The following SMG5 variants were observed in gnomAD, a reference collection of about 807,000 sequenced individuals.
The protein encoded by SMG5 is nonsense-mediated mRNA decay factor SMG5.
A neutral mutation model predicts 122.9 loss-of-function variants in SMG5; 53 were observed. The observed-to-expected ratio is 0.43, with a 90% CI of 0.35 to 0.54. SMG5 has a LOEUF of 0.54. SMG5 is among the 20% of genes least tolerant of loss of function. The pLI is 0.01. For synonymous variants in SMG5, 477 were observed against 490.2 expected (o/e 0.97, Z 0.35); for missense variants, 1,153 against 1,285.6 (o/e 0.90, Z 1.58).
In SMG5 at chr1:156,265,733, T is replaced by C. The variant is rs1030995774; in HGVS notation, c.1855+48A>G. On this transcript the variant is annotated intron_variant, in intron 12 of 21. Transcript: ENST00000361813. ...AAGCGGCCTCTCTGGTGAGTGTCTATGGCATGGAGGTGCGGACCAGAACAG... is the reference window on the plus strand; with the variant it reads ...AAGCGGCCTCTCTGGTGAGTGTCTACGGCATGGAGGTGCGGACCAGAACAG... The C allele has an allele frequency of 3.8e-6, 6 of 1,580,174 alleles. No homozygotes were observed. The African/African-American group carries it at 4.0e-5, about 11-fold the overall frequency.
chr1:156,256,933 T>C (rs569127187), intron 16 of SMG5, among the ~76,000 whole-genome samples: 2 of 140,118 alleles, frequency 1.4e-5, no homozygotes, highest in East Asian at 4.2e-4. Flanking sequence ...TTTCCTTTTT[T>C]TTTTTTTTTT....
At chr1:156,254,393 T>TG (rs1276257106) in intron 16 of SMG5, among the ~76,000 whole-genome samples, 1 of 152,228 alleles carries the variant, frequency 6.6e-6, no homozygotes, top group Non-Finnish European at 1.5e-5. Context: ...AGGCTAAGGA[T>TG]GGGGACTTTA....
At chr1:156,258,931 CT>C in intron 16 of SMG5, 73 bp downstream of exon 16, 1 of 1,579,546 alleles carries the variant, frequency 6.3e-7, no homozygotes, top group African/African-American at 1.3e-5. Flanking sequence ...ACCAGAGGGT[CT>C]GAGCCTCTTG....
chr1:156,252,697 C>G (rs184775695), intron 18 of SMG5, 193 bp from the exon 19 acceptor site: 304 of 749,704 alleles, frequency 4.1e-4, no homozygotes, highest in Admixed American at 1.4e-3. Flanking sequence ...TTACCAAGTG[C>G]TTTCTCATTA....
At position 156,268,190 on chromosome 1, in the gene SMG5, T is replaced by C. The variant is rs1662244252; in HGVS notation, c.840-7A>G. The C allele has an allele frequency of 2.5e-6, 4 of 1,614,032 alleles. No individual in the cohort carries two copies. The highest frequency in any genetic ancestry group is 2.7e-5 in the African/African-American group (2 of 74,910). On this transcript the variant is annotated splice_region_variant and splice_polypyrimidine_tract_variant and intron_variant, in intron 8 of 21. Transcript: ENST00000361813. ...CCTTTTAATGTCTTTACATCTGAAA[T>C]GAGAAGAGCCCAAAGTAAATGCTGA...
In SMG5 at chr1:156,276,934, G is replaced by A. The variant is rs535918963; in HGVS notation, c.454+151C>T. 5 of 736,852 alleles carry A rather than the reference G, an allele frequency of 6.8e-6. No homozygotes were observed. In the East Asian group the frequency reaches 1.4e-4, roughly 20 times the overall value. 45.6% of individuals were successfully genotyped at this position (736,852 alleles called of 1,614,324 possible). A position where few individuals can be genotyped will look rare whatever the true frequency, so the allele number is the denominator to read the frequency against. ...TTTACCCTAACTCATATGATTGTCT[G>A]GATAAATCCAAACTTCATAAACCAT... On this transcript the variant is annotated intron_variant, in intron 4 of 21. Coordinates refer to ENST00000361813, the MANE Select transcript of SMG5 (RefSeq NM_015327.3).
chr1:156,275,815 G>GTT (rs5777975), intron 4 of SMG5, among the ~76,000 whole-genome samples: 25 of 141,548 alleles, frequency 1.8e-4, no homozygotes, highest in Non-Finnish European at 2.2e-4. Flanking sequence ...TAATGTGGTG[G>GTT]TTTTTTTTTT....
intron 13 of SMG5, 60 bp from the exon 14 acceptor site, chr1:156,261,468 G>T: frequency 7.0e-7 from 1 of 1,435,856 alleles, no homozygotes; most frequent in Non-Finnish European, 9.8e-7. Flanking sequence ...GAACAGCAGT[G>T]AGCAAGGAAA....
Position 156,270,261 on chromosome 1 carries a change from G to A in SMG5, c.714-1846C>T, listed in dbSNP as rs1269287196. 4.6e-5 allele frequency among the ~76,000 whole-genome samples: 7 copies of A among 152,286 alleles called. No individual in the cohort carries two copies. In the East Asian group the frequency reaches 1.2e-3, roughly 25 times the overall value. ...TCTTGCAGGGGGCTGCGGGAGGAAG[G>A]GCTATGACCAATAGAATATTATAGA... On this transcript the variant is annotated intron_variant, in intron 7 of 21. Coordinates refer to ENST00000361813, the MANE Select transcript of SMG5 (RefSeq NM_015327.3).
chr1:156,266,457 C>T (rs1558239363), intron 11 of SMG5, 77 bp from the exon 12 acceptor site: 5 of 1,604,574 alleles, frequency 3.1e-6, no homozygotes, highest in Non-Finnish European at 2.6e-6. Flanking sequence ...TCCAACACCA[C>T]TTCCCCCGAG....
intron 6 of SMG5, 27 bp from the exon 7 acceptor site, chr1:156,272,425 C>T (rs1662478302): frequency 6.4e-7 from 1 of 1,574,790 alleles, no homozygotes. Flanking sequence ...TTCATGCAGT[C>T]TAAGGCCACA....
At chr1:156,261,890 CAAAA>C (rs61569049) in intron 13 of SMG5, among the ~76,000 whole-genome samples, 1,784 of 90,164 alleles carry the variant, frequency 0.02, 21 homozygotes, top group South Asian at 0.046. Context: ...AACTCCTTCT[CAAAA>C]AAAAAAAAAA....
upstream of SMG5, chr1:156,285,886 C>T (rs565884107): frequency 1.2e-6 from 2 of 1,613,932 alleles, no homozygotes; most frequent in South Asian, 1.1e-5. Context: ...GGGCATATGC[C>T]TTCCTGCCGT....
chr1:156,258,308 G>A (rs879463029), intron 16 of SMG5, among the ~76,000 whole-genome samples: 6 of 152,248 alleles, frequency 3.9e-5, no homozygotes, highest in Non-Finnish European at 5.9e-5. Context: ...CAATGTGCAA[G>A]GCACCTCACA....
chr1:156,272,029 A>T (rs1052485730), intron 7 of SMG5, among the ~76,000 whole-genome samples: 1 of 152,226 alleles, frequency 6.6e-6, no homozygotes, highest in Non-Finnish European at 1.5e-5. Flanking sequence ...CCACCTTAGT[A>T]ACATTTTACC....
chr1:156,286,527 A>G (rs1162721045), upstream of SMG5: 8 of 1,573,674 alleles, frequency 5.1e-6, no homozygotes, highest in Non-Finnish European at 7.0e-6. Flanking sequence ...TAGAGAACCT[A>G]GGCATCTGAA....
chr1:156,250,928 G>T lies in SMG5; in HGVS notation c.2897C>A (p.Pro966Gln). Residue 966 changes from proline (P) to glutamine (Q), a missense_variant, in exon 21 of 22, where the codon CCG becomes CAG. Pro to Gln is a moderately conservative substitution (Grantham distance 76). Around this residue, in one of 5 missense-constraint regions of SMG5, gnomAD observed 84 missense variants for 82.3 expected, o/e 1.02. Coordinates refer to ENST00000361813, the MANE Select transcript of SMG5 (RefSeq NM_015327.3). Reference protein sequence around the residue: ...TLAQGAGEEDPSGMVTIITGL... With the variant: ...TLAQGAGEEDQSGMVTIITGL... Reference sequence around the variant, plus strand: ...TGTGATGATGGTCACCATGCCACTCGGATCCTCCTCACCTGCCCCCTGGGC... The same window carrying T: ...TGTGATGATGGTCACCATGCCACTCTGATCCTCCTCACCTGCCCCCTGGGC... 1 of 1,613,916 alleles carries T rather than the reference G, an allele frequency of 6.2e-7. No homozygotes were observed. Among genetic ancestry groups the T allele is most frequent in the Non-Finnish European group, 8.5e-7 (1 of 1,179,902 alleles).
At chr1:156,267,289 C>CA (rs1572586968) in intron 10 of SMG5, among the ~76,000 whole-genome samples, 181 bp downstream of exon 10, 2 of 152,188 alleles carry the variant, frequency 1.3e-5, no homozygotes, top group East Asian at 3.9e-4. Flanking sequence ...TGCTTGTACT[C>CA]AATTACCAGG....
chr1:156,268,083 G>A, intron 9 of SMG5, 32 bp downstream of exon 9: 9 of 1,609,112 alleles, frequency 5.6e-6, no homozygotes, highest in Non-Finnish European at 7.7e-6. Flanking sequence ...GGGCTCACAG[G>A]ATAGTTCAGG....
Sources: allele counts gnomAD v4.1 joint callset (sites outside exome capture counted in the v4.1 genomes callset), GRCh38; gene constraint gnomAD v4.1.1; regional missense constraint gnomAD v4.1.1; transcripts MANE v1.5; gene names NCBI Gene and HGNC (gene_info 2026-07-23, HGNC 2026-07-21).